STK3: variants seen among roughly 807,000 people sequenced by gnomAD.
STK3 encodes serine/threonine-protein kinase 3.
STK3 carries 41 observed loss-of-function variants against 58.0 expected under a neutral mutation model. The observed-to-expected ratio is 0.71, with a 90% CI of 0.55 to 0.92. STK3 has a LOEUF of 0.92. Ranked by LOEUF, STK3 falls within the 40% of genes least tolerant of loss-of-function variation. The pLI, the probability that STK3 is intolerant of heterozygous loss-of-function variation, is 0.00. For missense variants in STK3, 479 were observed against 602.7 expected, an observed-to-expected ratio of 0.79 and a Z score of 2.15; for synonymous variants, 170 against 191.0, an observed-to-expected ratio of 0.89 and a Z score of 0.91.
chr8:98,933,673 C>T (rs752730969), intron 1 of STK3, among the ~76,000 whole-genome samples: 1 of 152,126 alleles, frequency 6.6e-6, no homozygotes. Flanking sequence ...GAAATAATCC[C>T]TCTCCCCATA....
chr8:98,614,627 C>T (rs1234945065), intron 6 of STK3, among the ~76,000 whole-genome samples: 1 of 152,290 alleles, frequency 6.6e-6, no homozygotes, highest in South Asian at 2.1e-4. Context: ...CGAAGCAGGG[C>T]GAGGCATTGC....
At chr8:98,893,465 A>AG (rs1564087090) in intron 1 of STK3, among the ~76,000 whole-genome samples, 1 of 106,772 alleles carries the variant, frequency 9.4e-6, no homozygotes, top group Non-Finnish European at 1.8e-5. Context: ...AAAGAAAGAA[A>AG]GAAAGAAAGA....
intron 6 of STK3, among the ~76,000 whole-genome samples, chr8:98,697,627 T>C (rs1158044613): frequency 6.6e-6 from 1 of 152,234 alleles, no homozygotes; most frequent in African/African-American, 2.4e-5. Flanking sequence ...CCAGTAGTCA[T>C]TCAGGAGCAG....
chr8:98,540,795 G>A (rs764924858), intron 9 of STK3, among the ~76,000 whole-genome samples: 5 of 152,014 alleles, frequency 3.3e-5, no homozygotes, highest in African/African-American at 4.8e-5. Flanking sequence ...CAACTGGGGT[G>A]GTGGGGGCGG....
At chr8:98,355,967 G>C in the STK3 span, among the ~76,000 whole-genome samples, 1 of 152,188 alleles carries the variant, frequency 6.6e-6, no homozygotes, top group Admixed American at 6.5e-5. Context: ...GATGGCGGTT[G>C]CTCCATCAGT....
chr8:98,675,502 A>G (rs1823133809), intron 6 of STK3, among the ~76,000 whole-genome samples: 1 of 152,170 alleles, frequency 6.6e-6, no homozygotes, highest in Admixed American at 6.5e-5. Context: ...TTCCTCAAAA[A>G]AGTAAGCATG....
the STK3 span, among the ~76,000 whole-genome samples, chr8:98,346,005 G>A: frequency 6.6e-5 from 10 of 152,174 alleles, no homozygotes; most frequent in South Asian, 1.2e-3. Flanking sequence ...AGAGCTGTCC[G>A]GGCATGGTGG....
At chr8:98,744,777 A>T (rs1829527319) in intron 4 of STK3, among the ~76,000 whole-genome samples, 2 of 152,162 alleles carry the variant, frequency 1.3e-5, no homozygotes, top group Non-Finnish European at 2.9e-5. Flanking sequence ...CAGGCAAATA[A>T]ATCTCTGCTA....
intron 10 of STK3, among the ~76,000 whole-genome samples, chr8:98,512,681 T>G (rs1367931789): frequency 6.6e-6 from 1 of 152,194 alleles, no homozygotes; most frequent in Non-Finnish European, 1.5e-5. Flanking sequence ...TACATGGTCC[T>G]ATGTACCCAG....
At chr8:98,609,094 AC>A (rs1240268611) in intron 6 of STK3, among the ~76,000 whole-genome samples, 1 of 151,860 alleles carries the variant, frequency 6.6e-6, no homozygotes, top group Non-Finnish European at 1.5e-5. Flanking sequence ...CACAACCACA[AC>A]CCTTCCGCAA....
intron 4 of STK3, among the ~76,000 whole-genome samples, chr8:98,710,300 C>T (rs529621493): frequency 6.6e-6 from 1 of 152,118 alleles, no homozygotes; most frequent in African/African-American, 2.4e-5. Context: ...GGGTGCAAGA[C>T]AGTGGGTACA....
At chr8:98,885,639 C>T (rs1837961047) in intron 1 of STK3, among the ~76,000 whole-genome samples, 1 of 152,130 alleles carries the variant, frequency 6.6e-6, no homozygotes, top group Non-Finnish European at 1.5e-5. Flanking sequence ...GGGGTTTCTC[C>T]GTGTTGGTCA....
intron 3 of STK3, among the ~76,000 whole-genome samples, chr8:98,841,672 A>C (rs1835987817): frequency 7.8e-6 from 1 of 128,182 alleles, no homozygotes; most frequent in Admixed American, 8.4e-5. Flanking sequence ...AAAAAGAGAG[A>C]CCTGGTCTCA....
chr8:98,835,865 T>G, intron 3 of STK3, among the ~76,000 whole-genome samples: 1 of 152,108 alleles, frequency 6.6e-6, no homozygotes, highest in Non-Finnish European at 1.5e-5. Context: ...CTTAGTCAGT[T>G]CAGGCTGCTA....
intron 6 of STK3, among the ~76,000 whole-genome samples, chr8:98,600,910 C>T (rs932280947): frequency 6.6e-6 from 1 of 151,908 alleles, no homozygotes; most frequent in Non-Finnish European, 1.5e-5. Flanking sequence ...TAGTATGCAG[C>T]AATAAAAACT....
intron 10 of STK3, among the ~76,000 whole-genome samples, chr8:98,464,179 TAAC>T (rs1287396842): frequency 6.6e-6 from 1 of 152,174 alleles, no homozygotes; most frequent in East Asian, 1.9e-4. Context: ...ACAGAATGGC[TAAC>T]AACAAGAATT....
chr8:98,567,141 C>T (rs972664631), intron 8 of STK3, among the ~76,000 whole-genome samples: 3 of 152,174 alleles, frequency 2.0e-5, no homozygotes, highest in African/African-American at 7.2e-5. Flanking sequence ...CTTGTACTTT[C>T]GTTCCATAAC....
intron 1 of STK3, among the ~76,000 whole-genome samples, chr8:98,822,263 A>G (rs1429662192): frequency 6.6e-6 from 1 of 152,192 alleles, no homozygotes; most frequent in Non-Finnish European, 1.5e-5. Context: ...ATACCTAAGT[A>G]TCTATTAAAT....
chr8:98,717,275 C>T (rs143813851), intron 4 of STK3, among the ~76,000 whole-genome samples: 202 of 151,060 alleles, frequency 1.3e-3, no homozygotes, highest in Admixed American at 2.2e-3. Flanking sequence ...TTAAAAATTA[C>T]GTATCTGATA....
Sources: allele counts gnomAD v4.1 joint callset (sites outside exome capture counted in the v4.1 genomes callset), GRCh38; gene constraint gnomAD v4.1.1; transcripts MANE v1.5; gene names NCBI Gene and HGNC (gene_info 2026-07-23, HGNC 2026-07-21).